The following CNTN6 variants were observed in gnomAD, a reference collection of about 807,000 sequenced individuals.
The protein encoded by CNTN6 is contactin-6.
CNTN6 carries 137 observed loss-of-function variants against 122.8 expected under a neutral mutation model. That is an observed-to-expected ratio of 1.12 (90% CI 0.97 to 1.29). The LOEUF is 1.29. CNTN6 is among the 50% of genes most tolerant of loss of function. The probability of loss-of-function intolerance (pLI) is 0.00; values close to 1 mark genes in which losing one functional copy is unlikely to be tolerated. For synonymous variants in CNTN6, 570 were observed against 426.0 expected (o/e 1.34, Z -4.16); for missense variants, 1,634 against 1,223.4 (o/e 1.34, Z -5.01).
chr3:1,197,726 T>A (rs115893515), intron 2 of CNTN6, among the ~76,000 whole-genome samples: 3,041 of 152,262 alleles, frequency 0.02, 101 homozygotes, highest in African/African-American at 0.068. Context: ...TCTCTGAACC[T>A]TCTTATCTGT....
chr3:1,346,275 C>A (rs540231076), intron 11 of CNTN6, among the ~76,000 whole-genome samples: 1 of 152,216 alleles, frequency 6.6e-6, no homozygotes, highest in Non-Finnish European at 1.5e-5. Context: ...CAGGTGCTAT[C>A]GTTTGGATAT....
chr3:1,247,453 T>TA (rs3836241), intron 4 of CNTN6, among the ~76,000 whole-genome samples: 32,735 of 149,212 alleles, frequency 0.22, 3,673 homozygotes, highest in African/African-American at 0.27. Context: ...CTATATGGTT[T>TA]AAAAAAAAAA....
chr3:1,119,673 C>T (rs1413636096), intron 1 of CNTN6, among the ~76,000 whole-genome samples: 2 of 151,858 alleles, frequency 1.3e-5, no homozygotes, highest in African/African-American at 2.4e-5. Context: ...CCTTTATTCA[C>T]TTTCCATCAC....
chr3:1,152,077 A>C (rs1219429843), intron 2 of CNTN6, among the ~76,000 whole-genome samples: 3 of 152,204 alleles, frequency 2.0e-5, no homozygotes, highest in African/African-American at 7.2e-5. Context: ...TTGTCTTTGT[A>C]GACAATGCAC....
At position 1,397,435 on chromosome 3, in the gene CNTN6, T is replaced by C. The variant is rs186217951; in HGVS notation, c.2705-3998T>C. Among the ~76,000 whole-genome samples, 82 of 152,244 alleles carry C rather than the reference T, an allele frequency of 5.4e-4. 1 individual carries two copies. Among genetic ancestry groups the C allele is most frequent in the Admixed American group, 9.8e-4 (15 of 15,286 alleles). On this transcript the variant is annotated intron_variant, in intron 20 of 22. Coordinates refer to ENST00000446702, the MANE Select transcript of CNTN6 (RefSeq NM_001289080.2). The stretch of plus-strand genomic sequence containing the variant: ...TCTTAAGTATTATTGTTGCTGTTGA[T>C]GATGATGATACTAGTATTATTAAAC...
chr3:1,226,819 A>T (rs1422701267), intron 3 of CNTN6, among the ~76,000 whole-genome samples: 3 of 152,220 alleles, frequency 2.0e-5, no homozygotes, highest in Non-Finnish European at 2.9e-5. Flanking sequence ...CCATGAACTT[A>T]GCAATGAGTG....
intron 2 of CNTN6, among the ~76,000 whole-genome samples, chr3:1,160,421 C>G (rs188206140): frequency 1.4e-5 from 2 of 143,180 alleles, no homozygotes; most frequent in Non-Finnish European, 1.5e-5. Flanking sequence ...TGGCTTGTTT[C>G]ATTCAATATC....
chr3:1,346,521 T>C (rs894117421), intron 11 of CNTN6, among the ~76,000 whole-genome samples: 3 of 152,058 alleles, frequency 2.0e-5, no homozygotes, highest in African/African-American at 7.2e-5. Flanking sequence ...CTCTCTCTCT[T>C]ACTTCCCCTC....
At chr3:1,308,490 T>C (rs1028841009) in intron 7 of CNTN6, among the ~76,000 whole-genome samples, 1 of 152,156 alleles carries the variant, frequency 6.6e-6, no homozygotes, top group Non-Finnish European at 1.5e-5. Flanking sequence ...TTGTTGCTGC[T>C]GGAGTGTCAT....
chr3:1,332,515 G>GAAAA (rs1702444601), intron 11 of CNTN6, among the ~76,000 whole-genome samples: 1 of 109,998 alleles, frequency 9.1e-6, no homozygotes, highest in African/African-American at 3.9e-5. Flanking sequence ...AGGAAGGAAG[G>GAAAA]AAGGAAGGAA....
intron 5 of CNTN6, among the ~76,000 whole-genome samples, chr3:1,288,854 G>C (rs532290008): frequency 2.0e-5 from 3 of 152,300 alleles, no homozygotes; most frequent in African/African-American, 7.2e-5. Flanking sequence ...AAGAGGATTT[G>C]TTGTATGCTT....
chr3:1,206,067 T>C (rs1053921644), intron 2 of CNTN6, among the ~76,000 whole-genome samples: 1 of 152,306 alleles, frequency 6.6e-6, no homozygotes, highest in Non-Finnish European at 1.5e-5. Flanking sequence ...GTTAATCTTA[T>C]AATCTGCAAT....
rs571018314 is a variant in CNTN6, at chr3:1,348,822, A to C, written c.1365-3502A>C. On this transcript the variant is annotated intron_variant, in intron 11 of 22. Coordinates refer to ENST00000446702, the MANE Select transcript of CNTN6 (RefSeq NM_001289080.2). Reference sequence around the variant, plus strand: ...TCCTGATTTATAAAATAGGGGTGCAAACAATACCTAGCCCAGAAGTTTGTC... The same window carrying C: ...TCCTGATTTATAAAATAGGGGTGCACACAATACCTAGCCCAGAAGTTTGTC... Among the ~76,000 whole-genome samples, 206 of 152,026 alleles carry C rather than the reference A, an allele frequency of 1.4e-3. 7 individuals are homozygous for C. In the South Asian group the frequency reaches 0.041, roughly 30 times the overall value.
intron 1 of CNTN6, among the ~76,000 whole-genome samples, chr3:1,103,136 C>A (rs1405847909): frequency 6.6e-6 from 1 of 151,994 alleles, no homozygotes; most frequent in Non-Finnish European, 1.5e-5. Flanking sequence ...AAAGAAAGTC[C>A]TTAAAGTTGT....
At chr3:1,281,031 C>T (rs2125802724) in intron 5 of CNTN6, among the ~76,000 whole-genome samples, 1 of 152,238 alleles carries the variant, frequency 6.6e-6, no homozygotes, top group Middle Eastern at 3.4e-3. Flanking sequence ...TGAGGGCTCA[C>T]CTGATACAGA....
At chr3:1,308,268 C>T (rs995384857) in intron 7 of CNTN6, among the ~76,000 whole-genome samples, 1 of 144,754 alleles carries the variant, frequency 6.9e-6, no homozygotes, top group Admixed American at 7.1e-5. Flanking sequence ...GTTATGCACT[C>T]ATCAATGTAT....
intron 1 of CNTN6, among the ~76,000 whole-genome samples, chr3:1,118,296 A>T (rs2091810166): frequency 6.6e-6 from 1 of 152,208 alleles, no homozygotes; most frequent in Non-Finnish European, 1.5e-5. Context: ...GGCTAGGGAA[A>T]GATAGTGCTC....
intron 11 of CNTN6, among the ~76,000 whole-genome samples, chr3:1,334,567 T>C (rs182051951): frequency 7.6e-4 from 115 of 152,214 alleles, no homozygotes; most frequent in African/African-American, 2.6e-3. Flanking sequence ...GTTATAACTT[T>C]ATATATGTTT....
intron 4 of CNTN6, among the ~76,000 whole-genome samples, chr3:1,258,189 G>GA (rs931427786): frequency 6.6e-6 from 1 of 151,878 alleles, no homozygotes; most frequent in Non-Finnish European, 1.5e-5. Flanking sequence ...AAGGGAGGAA[G>GA]AAAAAAAACC....
Sources: gnomAD v4.1 joint callset for allele counts (sites outside exome capture counted in the v4.1 genomes callset) on GRCh38, gnomAD v4.1.1 for gene constraint, MANE v1.5 for transcripts, NCBI Gene and HGNC (gene_info 2026-07-23, HGNC 2026-07-21) for gene names.